The following IARS2 variants were observed in gnomAD, a reference collection of about 807,000 sequenced individuals.
IARS2 encodes the protein isoleucine--tRNA ligase, mitochondrial.
In IARS2, 56 loss-of-function variants were observed where a neutral mutation model predicts 126.3. The observed-to-expected ratio is 0.44, with a 90% CI of 0.36 to 0.55. IARS2 has a LOEUF of 0.55. Among genes scored for constraint, IARS2 ranks in the 20% least tolerant of loss-of-function variants. The pLI, the probability that IARS2 is intolerant of heterozygous loss-of-function variation, is 0.00. For synonymous variants in IARS2, 407 were observed against 441.1 expected, an observed-to-expected ratio of 0.92 and a Z score of 0.97; for missense variants, 1,127 against 1,245.9, an observed-to-expected ratio of 0.90 and a Z score of 1.44.
At chr1:220,107,260 T>C (rs1198098717) in intron 10 of IARS2, 109 bp downstream of exon 10, 2 of 704,086 alleles carry the variant, frequency 2.8e-6, no homozygotes, top group Non-Finnish European at 4.9e-6. Flanking sequence ...AAAAAATAAA[T>C]TATGTCTTGT....
At chr1:220,137,801 T>C (rs1173372170) in intron 16 of IARS2, 117 bp from the exon 17 acceptor site, 1 of 1,056,678 alleles carries the variant, frequency 9.5e-7, no homozygotes, top group African/African-American at 1.6e-5. Flanking sequence ...AGTGCTAGTA[T>C]AGTTTGTACT....
intron 13 of IARS2, among the ~76,000 whole-genome samples, chr1:220,125,843 A>G (rs536454837): frequency 6.6e-6 from 1 of 152,104 alleles, no homozygotes; most frequent in African/African-American, 2.4e-5. Flanking sequence ...GCAGTGGTGC[A>G]CACCTGTAAT....
At chr1:220,145,112 A>G (rs1168766823) in intron 21 of IARS2, among the ~76,000 whole-genome samples, 1 of 151,028 alleles carries the variant, frequency 6.6e-6, no homozygotes, top group African/African-American at 2.4e-5. Flanking sequence ...TTTGAGGCTG[A>G]CAGACCTGGG....
chr1:220,102,411 A>G lies in IARS2; in HGVS notation c.748A>G (p.Arg250Gly). The change falls in exon 5 of 23, where the codon AGG becomes GGG. Residue 250 changes from arginine (R) to glycine (G), a missense_variant and splice_region_variant. Arg to Gly is a moderately radical substitution (Grantham distance 125, BLOSUM62 -2). Transcript: ENST00000366922. ...ACCTGTGTTTTGGTCTCCGTCATCT[A>G]GGTATATATGCATTTTTCGGTAATT... The part of the protein sequence containing the change: ...YKPVFWSPSS[R>G]TALAEAELEY... 6.2e-7 allele frequency: 1 copy of G among 1,613,648 alleles called. No homozygotes were observed.
At chr1:220,103,609 C>A (rs753397811) in intron 8 of IARS2, 47 bp downstream of exon 8, 4 of 1,228,818 alleles carry the variant, frequency 3.3e-6, no homozygotes, top group East Asian at 2.3e-5. Flanking sequence ...AAGTATTGGG[C>A]TGACTTGAAT....
intron 10 of IARS2, among the ~76,000 whole-genome samples, chr1:220,108,442 A>G (rs1656725722): frequency 6.6e-6 from 1 of 151,438 alleles, no homozygotes; most frequent in South Asian, 2.1e-4. Context: ...GCTGGAGTAC[A>G]GTGGCACGAT....
chr1:220,119,489 G>A (rs1351616950), intron 12 of IARS2, among the ~76,000 whole-genome samples: 1 of 151,944 alleles, frequency 6.6e-6, no homozygotes, highest in Non-Finnish European at 1.5e-5. Context: ...AGACAAATTA[G>A]GAATTTTCCT....
chr1:220,132,972 T>C (rs1417860783), intron 14 of IARS2, among the ~76,000 whole-genome samples: 1 of 152,154 alleles, frequency 6.6e-6, no homozygotes, highest in Non-Finnish European at 1.5e-5. Flanking sequence ...TAGATTAAAC[T>C]CTTTATTTTC....
In IARS2 at chr1:220,147,843, ATG is replaced by A. The variant is rs997455717; in HGVS notation, c.*218_*219del. The stretch of plus-strand genomic sequence containing the variant: ...TGTATATATACATGCAGAAATATAT[ATG>A]TGTGTGTGTATCTGTGGATGGATAT... On this transcript the variant is annotated 3_prime_UTR_variant, in exon 23 of 23. Coordinates refer to ENST00000366922, the MANE Select transcript of IARS2 (RefSeq NM_018060.4). 5 of 558,090 alleles carry A rather than the reference ATG, an allele frequency of 9.0e-6. No individual in the cohort carries two copies. The highest frequency in any genetic ancestry group is 5.6e-5 in the South Asian group (2 of 36,030). The allele number at this position is 558,090 out of a possible 1,614,324, so 34.6% of individuals were successfully genotyped here. A position where few individuals can be genotyped will look rare whatever the true frequency, so the allele number is the denominator to read the frequency against.
At chr1:220,113,217 T>C (rs1232608877) in intron 11 of IARS2, among the ~76,000 whole-genome samples, 1 of 152,128 alleles carries the variant, frequency 6.6e-6, no homozygotes. Context: ...TAAAAAGTAA[T>C]AGTTATTCCT....
rs561368747 is a variant in IARS2, at chr1:220,116,815, T to C, written c.1640+2341T>C. Among the ~76,000 whole-genome samples, 21 of 152,188 alleles carry C rather than the reference T, an allele frequency of 1.4e-4. 1 individual carries two copies. Among genetic ancestry groups the C allele is most frequent in the African/African-American group, 4.6e-4 (19 of 41,550 alleles). ...AGGCTGGAGTGCAGTGATGTGATCTTGGCTCACTACAACCTCCACCTCCCA... is the reference window on the plus strand; with the variant it reads ...AGGCTGGAGTGCAGTGATGTGATCTCGGCTCACTACAACCTCCACCTCCCA... On this transcript the variant is annotated intron_variant, in intron 12 of 22. Transcript: ENST00000366922.
At chr1:220,100,398 T>G (rs1656546603) in intron 2 of IARS2, 92 bp from the exon 3 acceptor site, 1 of 1,080,214 alleles carries the variant, frequency 9.3e-7, no homozygotes, top group South Asian at 1.8e-5. Context: ...ATTTTATGTA[T>G]GAATGCTAAT....
intron 13 of IARS2, among the ~76,000 whole-genome samples, 191 bp downstream of exon 13, chr1:220,125,530 G>A (rs939271135): frequency 2.0e-5 from 3 of 152,200 alleles, no homozygotes; most frequent in South Asian, 4.1e-4. Context: ...AAGGCTGGGC[G>A]TGATGGCTCA....
chr1:220,147,408 A>C, intron 22 of IARS2, 85 bp from the exon 23 acceptor site: 1 of 1,341,376 alleles, frequency 7.5e-7, no homozygotes, highest in Middle Eastern at 2.3e-4. Flanking sequence ...AAAAGACTGA[A>C]AAAGAAGCCT....
At position 220,136,774 on chromosome 1, in the gene IARS2, T is replaced by C. The variant is rs1657385725; in HGVS notation, c.1947-35T>C. 4 of 1,067,164 alleles carry C rather than the reference T, an allele frequency of 3.7e-6. No homozygotes were observed. In the Admixed American group the frequency reaches 8.0e-5, roughly 21 times the overall value. The allele number at this position is 1,067,164 out of a possible 1,614,324, so 66.1% of individuals were successfully genotyped here. A position where few individuals can be genotyped will look rare whatever the true frequency, so the allele number is the denominator to read the frequency against. On this transcript the variant is annotated intron_variant, in intron 15 of 22. Coordinates refer to ENST00000366922, the MANE Select transcript of IARS2 (RefSeq NM_018060.4). ...ATCTTCAAAAAGATAATTATAATTG[T>C]GTTTATCATTAAAATAGCTGATTTG...
Position 220,125,314 on chromosome 1 carries a change from T to C in IARS2, c.1718T>C (p.Leu573Pro), listed in dbSNP as rs1657130264. The C allele has an allele frequency of 6.2e-7, 1 of 1,613,090 alleles. No individual in the cohort carries two copies. Among genetic ancestry groups the C allele is most frequent in the East Asian group, 2.2e-5 (1 of 44,854 alleles). ...DIWWTLPPEQ[L>P]LPKEVLSEVG... Reference sequence around the variant, plus strand: ...TGGTGGACTCTTCCCCCTGAACAACTTCTTCCAAAAGAAGTCTTATCTGAG... The same window carrying C: ...TGGTGGACTCTTCCCCCTGAACAACCTCTTCCAAAAGAAGTCTTATCTGAG... The change falls in exon 13 of 23, where the codon CTT becomes CCT. Residue 573 changes from leucine to proline, a missense_variant. Transcript: ENST00000366922.
chr1:220,106,168 T>C, intron 9 of IARS2, 108 bp downstream of exon 9: 1 of 925,184 alleles, frequency 1.1e-6, no homozygotes, highest in Non-Finnish European at 1.6e-6. Flanking sequence ...GTCATCATAA[T>C]TGTGAAATGC....
chr1:220,107,208 C>A (rs573892540), intron 10 of IARS2, 57 bp downstream of exon 10: 6 of 1,051,028 alleles, frequency 5.7e-6, no homozygotes, highest in Non-Finnish European at 7.4e-6. Flanking sequence ...GTAGCAGTAA[C>A]CTTTGCTACC....
Position 220,147,968 on chromosome 1 carries a change from A to ATATT in IARS2, c.*335_*338dup, listed in dbSNP as rs1657643022. ...AATACGGCCAAGCAGAAAATGTTTT[A>ATATT]TATTTTATAAATCATCTTTTGACTC... On this transcript the variant is annotated 3_prime_UTR_variant, in exon 23 of 23. Transcript: ENST00000366922. 1 of 394,672 alleles carries ATATT rather than the reference A, an allele frequency of 2.5e-6. No homozygotes were observed. Among genetic ancestry groups the ATATT allele is most frequent in the Non-Finnish European group, 4.5e-6 (1 of 223,276 alleles). 24.4% of individuals were successfully genotyped at this position (394,672 alleles called of 1,614,324 possible).
Sources: gnomAD v4.1 joint callset for allele counts (sites outside exome capture counted in the v4.1 genomes callset) on GRCh38, gnomAD v4.1.1 for gene constraint, MANE v1.5 for transcripts, NCBI Gene and HGNC (gene_info 2026-07-23, HGNC 2026-07-21) for gene names.